NSD1: variants seen among roughly 807,000 people sequenced by gnomAD.
NSD1 encodes nuclear receptor binding SET domain protein 1.
Under a neutral mutation model 242.7 loss-of-function variants are expected in NSD1, and 26 were observed. That is an observed-to-expected ratio of 0.11 (90% CI 0.08 to 0.15). The LOEUF (loss-of-function observed/expected upper bound fraction) is 0.15. Ranked by LOEUF, NSD1 falls within the 10% of genes least tolerant of loss-of-function variation. The probability of loss-of-function intolerance (pLI) is 1.00; values close to 1 mark genes in which losing one functional copy is unlikely to be tolerated. For synonymous variants in NSD1, 1,106 were observed against 1,178.1 expected, an observed-to-expected ratio of 0.94 and a Z score of 1.25; for missense variants, 2,495 against 3,272.8, an observed-to-expected ratio of 0.76 and a Z score of 5.80.
chr5:177,289,175 C>G (rs188688309), intron 21 of NSD1, among the ~76,000 whole-genome samples: 3 of 151,974 alleles, frequency 2.0e-5, no homozygotes, highest in Admixed American at 6.6e-5. Flanking sequence ...GAAAAATTAG[C>G]TGGGCCGTGG....
chr5:177,266,983 G>T (rs556811833), intron 14 of NSD1, among the ~76,000 whole-genome samples: 1 of 152,300 alleles, frequency 6.6e-6, no homozygotes, highest in East Asian at 1.9e-4. Flanking sequence ...TCCTGTCTTA[G>T]CCTCCCGAGT....
chr5:177,249,091 CTT>C (rs1755693695), intron 11 of NSD1, among the ~76,000 whole-genome samples: 1 of 152,108 alleles, frequency 6.6e-6, no homozygotes, highest in African/African-American at 2.4e-5. Context: ...GACTTGAAGT[CTT>C]TGTGAGTAGA....
At chr5:177,160,346 G>A (rs527266203) in intron 2 of NSD1, among the ~76,000 whole-genome samples, 118 of 151,242 alleles carry the variant, frequency 7.8e-4, no homozygotes, top group Non-Finnish European at 9.4e-4. Flanking sequence ...TCACTCTGTC[G>A]CACAGGCTGG....
intron 21 of NSD1, among the ~76,000 whole-genome samples, chr5:177,291,201 A>G (rs1199621459): frequency 6.6e-6 from 1 of 152,126 alleles, no homozygotes; most frequent in Non-Finnish European, 1.5e-5. Context: ...ATTTGACTTG[A>G]TGTGTAGTCT....
In NSD1 at chr5:177,200,160, AG is replaced by A. The variant is rs529877877; in HGVS notation, c.1064-3959del. 6.7e-3 allele frequency among the ~76,000 whole-genome samples: 1,020 copies of A among 152,066 alleles called. 9 individuals are homozygous for A. Among genetic ancestry groups the A allele is most frequent in the African/African-American group, 0.023 (971 of 41,474 alleles). On this transcript the variant is annotated intron_variant, in intron 3 of 22. Coordinates refer to ENST00000439151, the MANE Select transcript of NSD1 (RefSeq NM_022455.5). Reference sequence around the variant, plus strand: ...GTTGCCCAGGCTGTGGCAGGATCTCAGCTCACTGCAACCTCTGCCTCCTGGG... The same window carrying A: ...GTTGCCCAGGCTGTGGCAGGATCTCACTCACTGCAACCTCTGCCTCCTGGG...
chr5:177,295,522 CTT>C lies in NSD1; in HGVS notation c.*66_*67del. Reference sequence around the variant, plus strand: ...AGGGTACCATTTGGGGAGGGGAAATCTTTTCTTTCTTTCCCCCTTAAAAAAAA... The same window carrying C: ...AGGGTACCATTTGGGGAGGGGAAATCTTCTTTCTTTCCCCCTTAAAAAAAA... On this transcript the variant is annotated 3_prime_UTR_variant, in exon 23 of 23. Coordinates refer to ENST00000439151, the MANE Select transcript of NSD1 (RefSeq NM_022455.5). This position sits in a 1 kb window ranked among gnomAD's most constrained non-coding sequence, Gnocchi z 4.3. The C allele has an allele frequency of 6.7e-7, 1 of 1,500,088 alleles. No homozygotes were observed. Among genetic ancestry groups the C allele is most frequent in the Admixed American group, 1.9e-5 (1 of 53,330 alleles). The allele number at this position is 1,500,088 out of a possible 1,614,324, so 92.9% of individuals were successfully genotyped here.
At chr5:177,208,523 TTTTTC>T (rs1466427793) in intron 4 of NSD1, among the ~76,000 whole-genome samples, 1 of 151,802 alleles carries the variant, frequency 6.6e-6, no homozygotes, top group African/African-American at 2.4e-5. Flanking sequence ...TCTTTTTCTT[TTTTTC>T]TTTTCTTTTT....
intron 2 of NSD1, among the ~76,000 whole-genome samples, chr5:177,173,353 A>T (rs938135702): frequency 6.7e-6 from 1 of 150,202 alleles, no homozygotes; most frequent in South Asian, 2.1e-4. Context: ...CAAGAAGTCT[A>T]TTGGAATGTT....
chr5:177,151,242 G>A (rs1348055743), intron 2 of NSD1, among the ~76,000 whole-genome samples: 1 of 152,138 alleles, frequency 6.6e-6, no homozygotes, highest in Non-Finnish European at 1.5e-5. Context: ...CAGGTGTGAT[G>A]GCGGGTGCCT....
intron 5 of NSD1, among the ~76,000 whole-genome samples, chr5:177,228,984 G>C (rs10066720): frequency 0.016 from 2,487 of 152,020 alleles, 77 homozygotes; most frequent in African/African-American, 0.057. Flanking sequence ...GACTGTCTCT[G>C]TAGATTTGCC....
intron 5 of NSD1, among the ~76,000 whole-genome samples, chr5:177,223,163 C>T (rs1764372061): frequency 6.6e-6 from 1 of 151,208 alleles, no homozygotes; most frequent in Admixed American, 6.6e-5. Context: ...CTCACTGCAA[C>T]GTCTGCCTCC....
At chr5:177,248,924 G>A (rs1423545362) in intron 11 of NSD1, among the ~76,000 whole-genome samples, 1 of 152,132 alleles carries the variant, frequency 6.6e-6, no homozygotes, top group Non-Finnish European at 1.5e-5. Context: ...TTATATTCAT[G>A]AGAGAAGCCT....
At chr5:177,140,366 G>C (rs1007062723) in intron 2 of NSD1, among the ~76,000 whole-genome samples, 1 of 152,128 alleles carries the variant, frequency 6.6e-6, no homozygotes, top group South Asian at 2.1e-4. Context: ...GTCAGGTAAT[G>C]GGGCCTAGAA....
intron 11 of NSD1, among the ~76,000 whole-genome samples, chr5:177,251,476 T>C (rs912040846): frequency 2.0e-5 from 3 of 152,178 alleles, no homozygotes; most frequent in Admixed American, 6.5e-5. Context: ...CTTTCTACTC[T>C]TGAACTCGTT....
At chr5:177,172,979 AAAAG>A (rs1385515231) in intron 2 of NSD1, among the ~76,000 whole-genome samples, 1 of 151,196 alleles carries the variant, frequency 6.6e-6, no homozygotes, top group Non-Finnish European at 1.5e-5. Context: ...AAAAAAAAAA[AAAAG>A]AATATTTTGT....
chr5:177,184,630 G>T (rs534782335), intron 2 of NSD1, among the ~76,000 whole-genome samples: 1 of 151,938 alleles, frequency 6.6e-6, no homozygotes, highest in Non-Finnish European at 1.5e-5. Flanking sequence ...CCAAGCTCAC[G>T]CATCCCTCCC....
At chr5:177,167,641 A>G (rs996108969) in intron 2 of NSD1, among the ~76,000 whole-genome samples, 2 of 152,040 alleles carry the variant, frequency 1.3e-5, no homozygotes, top group African/African-American at 4.8e-5. Flanking sequence ...GTTTTTGATT[A>G]CTGTAGCTGA....
chr5:177,159,947 C>T (rs1319012581), intron 2 of NSD1, among the ~76,000 whole-genome samples: 4 of 151,462 alleles, frequency 2.6e-5, no homozygotes, highest in African/African-American at 9.7e-5. Context: ...TGGAATGCAG[C>T]GGTGTGATCT....
At chr5:177,158,301 CTTTTCTTTCTTTT>C (rs1256915785) in intron 2 of NSD1, among the ~76,000 whole-genome samples, 71 of 108,672 alleles carry the variant, frequency 6.5e-4, no homozygotes, top group African/African-American at 2.2e-3. Context: ...TTCTTTCTTT[CTTTTCTTTCTTTT>C]CTTTCTTTTC....
Sources: allele counts gnomAD v4.1 joint callset (sites outside exome capture counted in the v4.1 genomes callset), GRCh38; gene constraint gnomAD v4.1.1; non-coding constraint Gnocchi (gnomAD v3.1); transcripts MANE v1.5; gene names NCBI Gene and HGNC (gene_info 2026-07-23, HGNC 2026-07-21).